ITSN1: variants seen among roughly 807,000 people sequenced by gnomAD.
The protein encoded by ITSN1 is intersectin 1.
In ITSN1, 58 loss-of-function variants were observed where a neutral mutation model predicts 239.8. The observed-to-expected ratio is 0.24, with a 90% CI of 0.20 to 0.30. The LOEUF is 0.30. Ranked by LOEUF, ITSN1 falls within the 10% of genes least tolerant of loss-of-function variation. ITSN1 has a pLI of 1.00. For synonymous variants in ITSN1, 780 were observed against 770.8 expected (o/e 1.01, Z -0.20); for missense variants, 1,558 against 2,103.3 (o/e 0.74, Z 5.07).
intron 20 of ITSN1, among the ~76,000 whole-genome samples, chr21:33,807,898 G>T (rs1230710197): frequency 6.6e-6 from 1 of 152,182 alleles, no homozygotes; most frequent in Non-Finnish European, 1.5e-5. Flanking sequence ...TCAAGACCAG[G>T]CTTTTGGCCG....
chr21:33,672,113 C>T (rs1364257139), intron 1 of ITSN1, among the ~76,000 whole-genome samples: 1 of 151,730 alleles, frequency 6.6e-6, no homozygotes, highest in Non-Finnish European at 1.5e-5. Flanking sequence ...CGTGGTGGTG[C>T]ATGCCTGTAA....
chr21:33,839,000 A>G (rs1206114159), intron 29 of ITSN1, among the ~76,000 whole-genome samples: 1 of 152,236 alleles, frequency 6.6e-6, no homozygotes, highest in East Asian at 1.9e-4. Context: ...TGTTTGCTAC[A>G]ATGACCACAT....
chr21:33,829,079 T>C (rs2074140366), intron 26 of ITSN1: 1 of 450,534 alleles, frequency 2.2e-6, no homozygotes, highest in South Asian at 1.6e-5. Context: ...GGCTGTGTCG[T>C]TGGGAGTGAG....
intron 17 of ITSN1, among the ~76,000 whole-genome samples, chr21:33,795,116 G>A (rs2071436818): frequency 6.6e-6 from 1 of 152,118 alleles, no homozygotes; most frequent in African/African-American, 2.4e-5. Flanking sequence ...ATGACCAAAT[G>A]TCCCAATGAC....
At chr21:33,790,150 C>T (rs1019295521) in intron 16 of ITSN1, among the ~76,000 whole-genome samples, 3 of 151,998 alleles carry the variant, frequency 2.0e-5, no homozygotes, top group African/African-American at 7.3e-5. Context: ...TGCCCATATA[C>T]CCCAAGTCTG....
rs1986266099 is a variant in ITSN1 at position 33,890,220 on chromosome 21, G to A, written c.*1920G>A. 1 of 152,198 alleles carries A rather than the reference G, an allele frequency of 6.6e-6. No homozygotes were observed. The highest frequency in any genetic ancestry group is 2.4e-5 in the African/African-American group (1 of 41,442). 9.4% of individuals were successfully genotyped at this position (152,198 alleles called of 1,614,324 possible). On this transcript the variant is annotated 3_prime_UTR_variant, in exon 40 of 40. Coordinates refer to ENST00000381318, the MANE Select transcript of ITSN1 (RefSeq NM_003024.3). The stretch of plus-strand genomic sequence containing the variant: ...CTATAACCAACACCGTTTGTTTAGT[G>A]TATTTATGAAAGATATGCTACCATG...
chr21:33,833,982 C>T (rs978556658), intron 27 of ITSN1, among the ~76,000 whole-genome samples: 5 of 151,736 alleles, frequency 3.3e-5, no homozygotes, highest in South Asian at 2.1e-4. Context: ...ATAATGTCTA[C>T]ATTACCTGAA....
intron 5 of ITSN1, among the ~76,000 whole-genome samples, chr21:33,746,844 G>GA (rs1053677056): frequency 1.6e-4 from 24 of 150,370 alleles, no homozygotes; most frequent in Admixed American, 1.1e-3. Flanking sequence ...CTCTGTCACA[G>GA]AAAAAAAAAG....
intron 5 of ITSN1, among the ~76,000 whole-genome samples, chr21:33,747,812 C>T (rs879094149): frequency 6.6e-6 from 1 of 152,060 alleles, no homozygotes; most frequent in Non-Finnish European, 1.5e-5. Flanking sequence ...ACTAGACCTA[C>T]CTTAGAAGAA....
Position 33,867,314 on chromosome 21 carries a change from C to T in ITSN1, c.4156C>T (p.Pro1386Ser). ...LKPMQRVTRY[P>S]LIIKNILENT... ...GCCTATGCAACGGGTAACAAGATAC[C>T]CACTGATCATTAAAAATGTAAGTAC... The change falls in exon 33 of 40, where the codon CCA becomes TCA. Residue 1386 changes from proline to serine, a missense_variant. Transcript: ENST00000381318. 6.2e-7 allele frequency: 1 copy of T among 1,600,354 alleles called. No individual in the cohort carries two copies. The highest frequency in any genetic ancestry group is 2.2e-5 in the East Asian group (1 of 44,788).
intron 1 of ITSN1, among the ~76,000 whole-genome samples, chr21:33,705,110 C>CAAAAAAAAAAAAAAAAAAAAAAAAAAA (rs1174530558): frequency 1.4e-5 from 1 of 69,730 alleles, no homozygotes; most frequent in African/African-American, 4.6e-5. Context: ...GACTCCGTCT[C>CAAAAAAAAAAAAAAAAAAAAAAAAAAA]AAAAAAAAAA....
At position 33,811,136 on chromosome 21, in the gene ITSN1, G is replaced by C. The variant is rs2148189299; in HGVS notation, c.2481G>C (p.Leu827=). 1 of 1,605,692 alleles carries C rather than the reference G, an allele frequency of 6.2e-7. No homozygotes were observed. The change falls in exon 21 of 40, where the codon CTG becomes CTC. Residue 827 remains leucine, a synonymous_variant. Transcript: ENST00000381318. ...CAACATCTGCCCCTGCCCCCAAACT[G>C]GCCTTGCGTGAGACCCCCGCCCCTT... ...TDSTSAPAPK[L]ALRETPAPLA...
chr21:33,792,279 A>T (rs112120726), intron 16 of ITSN1, among the ~76,000 whole-genome samples: 1,943 of 152,090 alleles, frequency 0.013, 44 homozygotes, highest in African/African-American at 0.045. Flanking sequence ...ATCTTGGCTC[A>T]CTGCAAGCTC....
intron 1 of ITSN1, among the ~76,000 whole-genome samples, chr21:33,699,233 A>G (rs2091913649): frequency 6.6e-6 from 1 of 152,100 alleles, no homozygotes; most frequent in Non-Finnish European, 1.5e-5. Context: ...TTAATCTTGT[A>G]TTCTATATCT....
At chr21:33,715,113 C>A (rs985230627) in intron 1 of ITSN1, among the ~76,000 whole-genome samples, 2 of 152,058 alleles carry the variant, frequency 1.3e-5, no homozygotes, top group Admixed American at 1.3e-4. Flanking sequence ...AACAAACCAA[C>A]CTATTAAAAT....
intron 1 of ITSN1, among the ~76,000 whole-genome samples, chr21:33,704,384 C>T (rs1463108805): frequency 6.6e-6 from 1 of 152,166 alleles, no homozygotes; most frequent in African/African-American, 2.4e-5. Flanking sequence ...CCTGCACCCA[C>T]GCTTCACCCT....
chr21:33,681,710 G>A (rs748454249), intron 1 of ITSN1, among the ~76,000 whole-genome samples: 2 of 149,416 alleles, frequency 1.3e-5, no homozygotes, highest in Admixed American at 6.7e-5. Flanking sequence ...TCGCTCTGTC[G>A]CCCAGGCTGG....
At chr21:33,831,537 A>G (rs2074295198) in intron 27 of ITSN1, among the ~76,000 whole-genome samples, 1 of 152,172 alleles carries the variant, frequency 6.6e-6, no homozygotes, top group South Asian at 2.1e-4. Flanking sequence ...AACCTTTGCC[A>G]TGCAGTGGAC....
intron 1 of ITSN1, among the ~76,000 whole-genome samples, chr21:33,709,541 C>A (rs1293667052): frequency 6.6e-6 from 1 of 152,166 alleles, no homozygotes; most frequent in Non-Finnish European, 1.5e-5. Context: ...CTTGGCTTCC[C>A]AAAGTGCTGA....
Sources: gnomAD v4.1 joint callset for allele counts (sites outside exome capture counted in the v4.1 genomes callset) on GRCh38, gnomAD v4.1.1 for gene constraint, MANE v1.5 for transcripts, NCBI Gene and HGNC (gene_info 2026-07-23, HGNC 2026-07-21) for gene names.